APOBR: variants seen among roughly 807,000 people sequenced by gnomAD.
The protein encoded by APOBR is apoB-48R.
Under a neutral mutation model 88.5 loss-of-function variants are expected in APOBR, and 57 were observed. That is an observed-to-expected ratio of 0.64 (90% CI 0.52 to 0.80). The LOEUF is 0.80. APOBR is among the 30% of genes least tolerant of loss of function. The pLI, the probability that APOBR is intolerant of heterozygous loss-of-function variation, is 0.00. For missense variants in APOBR, 1,443 were observed against 1,401.6 expected (o/e 1.03, Z -0.47); for synonymous variants, 588 against 572.7 (o/e 1.03, Z -0.38).
Position 28,495,640 on chromosome 16 carries a change from G to A in APOBR, c.599G>A (p.Trp200Ter). The change falls in exon 2 of 4, where the codon TGG (tryptophan) becomes TAG (stop). Residue 200 changes from tryptophan to a stop codon, truncating the protein, a stop_gained. Coordinates refer to ENST00000564831, the MANE Select transcript of APOBR (RefSeq NM_018690.4). LOFTEE classifies it high-confidence loss of function. Reference protein sequence around the residue: ...PGMARGAESEWTWHGETEGKA... With the variant: ...PGMARGAESE Reference sequence around the variant, plus strand: ...ATGGCCAGAGGGGCGGAGTCAGAGTGGACCTGGCATGGGGAGACGGAGGGG... The same window carrying A: ...ATGGCCAGAGGGGCGGAGTCAGAGTAGACCTGGCATGGGGAGACGGAGGGG... 6.4e-7 allele frequency: 1 copy of A among 1,554,682 alleles called. No homozygotes were observed. Among genetic ancestry groups the A allele is most frequent in the Non-Finnish European group, 8.7e-7 (1 of 1,148,614 alleles).
rs780321080 is a variant in APOBR, at chr16:28,496,074, G to C, written c.1033G>C (p.Ala345Pro). 6.5e-6 allele frequency: 10 copies of C among 1,545,698 alleles called. No individual in the cohort carries two copies. Among genetic ancestry groups the C allele is most frequent in the Non-Finnish European group, 8.7e-6 (10 of 1,146,216 alleles). The change falls in exon 2 of 4, where the codon GCT becomes CCT. Residue 345 changes from alanine to proline, a missense_variant. Transcript: ENST00000564831. ...GGCCGGGATAGCCTCAGGCGGGGAG[G>C]CTGGGACAGCCTCAGGAGGGGAGGA... ...EEAGIASGGE[A>P]GTASGGEEAG...
In APOBR at chr16:28,494,769, G is replaced by T. The variant is rs999670395; in HGVS notation, c.57+31G>T. Reference sequence around the variant, plus strand: ...AAGGGCAGACAGCTGCCAGATACTTGCACCCCATTCCCTGGGGCCTCACTT... The same window carrying T: ...AAGGGCAGACAGCTGCCAGATACTTTCACCCCATTCCCTGGGGCCTCACTT... On this transcript the variant is annotated intron_variant, in intron 1 of 3. Coordinates refer to ENST00000564831, the MANE Select transcript of APOBR (RefSeq NM_018690.4). The T allele has an allele frequency of 1.9e-6, 3 of 1,591,612 alleles. No individual in the cohort carries two copies. The African/African-American group carries it at 4.0e-5, about 21-fold the overall frequency.
In APOBR at chr16:28,497,740, G is replaced by A. The variant is rs1431379800; in HGVS notation, c.2699G>A (p.Ser900Asn). The change falls in exon 2 of 4, where the codon AGT becomes AAT. Residue 900 changes from serine (S) to asparagine (N), a missense_variant. Ser to Asn is a conservative substitution (Grantham distance 46). Coordinates refer to ENST00000564831, the MANE Select transcript of APOBR (RefSeq NM_018690.4). ...GWQEREQRED[S>N]EGRCGDYHPE... ...CAGGAGAGAGAACAGAGGGAAGACA[G>A]TGAGGGGCGGTGTGGGGACTACCAC... The A allele has an allele frequency of 4.4e-6, 7 of 1,604,210 alleles. No homozygotes were observed. Among genetic ancestry groups the A allele is most frequent in the Non-Finnish European group, 6.0e-6 (7 of 1,175,544 alleles).
Position 28,497,351 on chromosome 16 carries a change from C to G in APOBR, c.2310C>G (p.Val770=). The G allele has an allele frequency of 6.2e-7, 1 of 1,608,676 alleles. No homozygotes were observed. The highest frequency in any genetic ancestry group is 2.2e-5 in the East Asian group (1 of 44,712). The change falls in exon 2 of 4, where the codon GTC becomes GTG. Residue 770 remains valine (V), a synonymous_variant. Transcript: ENST00000564831. ...CTGGGATTATGGGGGGTGATGTGGT[C>G]CCACACATCAGCGCTGCTGGCGCTG... The part of the protein sequence containing the change: ...VAAGIMGGDV[V]PHISAAGAGE...
rs1463817760 is a variant in APOBR at position 28,497,994 on chromosome 16, G to A, written c.2953G>A (p.Glu985Lys). The part of the protein sequence containing the change: ...ARGGAANSWS[E>K]APLPGSLLDV... ...AGGAGGTGCTGCCAACAGCTGGAGC[G>A]AGGTGAGGGCTCTTGGTGGGGTCTC... Residue 985 changes from glutamate (E) to lysine (K), a missense_variant and splice_region_variant, in exon 2 of 4, where the codon GAG becomes AAG. By Grantham distance (56) the Glu-to-Lys change is moderately conservative. Transcript: ENST00000564831. 6.9e-6 allele frequency: 11 copies of A among 1,591,852 alleles called. No homozygotes were observed. Among genetic ancestry groups the A allele is most frequent in the African/African-American group, 1.3e-5 (1 of 74,238 alleles).
At position 28,496,047 on chromosome 16, in the gene APOBR, G is replaced by A. The variant is rs1390470858; in HGVS notation, c.1006G>A (p.Glu336Lys). 1.9e-6 allele frequency: 3 copies of A among 1,576,866 alleles called. No homozygotes were observed. Among genetic ancestry groups the A allele is most frequent in the South Asian group, 1.2e-5 (1 of 85,066 alleles). ...GGCCGGGACAGCCTCGGGAGGGGAG[G>A]AGGCCGGGATAGCCTCAGGCGGGGA... Reference protein sequence around the residue: ...EEAGTASGGEEAGIASGGEAG... With the variant: ...EEAGTASGGEKAGIASGGEAG... Residue 336 changes from glutamate (E) to lysine (K), a missense_variant, in exon 2 of 4, where the codon GAG (glutamate) becomes AAG (lysine). Transcript: ENST00000564831.
rs368143039 is a variant in APOBR, at chr16:28,496,176, G to A, written c.1135G>A (p.Glu379Lys). The A allele has an allele frequency of 4.5e-6, 7 of 1,557,836 alleles. No homozygotes were observed. The African/African-American group carries it at 6.8e-5, about 15-fold the overall frequency. The stretch of plus-strand genomic sequence containing the variant: ...CGAGGCCTGGACAACCTCAGGCAAA[G>A]AGGAGGCTGACCTGCTGGGAGTCAG... ...GDEAWTTSGK[E>K]EADLLGVRQT... The change falls in exon 2 of 4, where the codon GAG becomes AAG. Residue 379 changes from glutamate to lysine, a missense_variant. Glu to Lys is a moderately conservative substitution (Grantham distance 56, BLOSUM62 1). Coordinates refer to ENST00000564831, the MANE Select transcript of APOBR (RefSeq NM_018690.4).
chr16:28,497,504 C>T lies in APOBR; in HGVS notation c.2463C>T (p.Gly821=). ...LEGSAEEEVT[G]RGSQVEAFES... ...GCTCAGCAGAGGAAGAGGTGACTGG[C>T]AGAGGCAGCCAAGTAGAGGCTTTTG... The change falls in exon 2 of 4, where the codon GGC becomes GGT. Residue 821 remains glycine, a synonymous_variant. Coordinates refer to ENST00000564831, the MANE Select transcript of APOBR (RefSeq NM_018690.4). 1 of 1,612,780 alleles carries T rather than the reference C, an allele frequency of 6.2e-7. No homozygotes were observed. The highest frequency in any genetic ancestry group is 8.5e-7 in the Non-Finnish European group (1 of 1,179,360).
Position 28,496,920 on chromosome 16 carries a change from C to T in APOBR, c.1879C>T (p.Arg627Cys), listed in dbSNP as rs778009637. ...GGCCTTCCCAGGAGCCTGGGAAAAC[C>T]GCACGAGAAAGGACATGGAGAGAGG... ...SEAFPGAWEN[R>C]TRKDMERGNT... Residue 627 changes from arginine (R) to cysteine (C), a missense_variant, in exon 2 of 4, where the codon CGC (arginine) becomes TGC (cysteine). Physicochemically the swap from Arg to Cys is radical, Grantham distance 180. Transcript: ENST00000564831. 12 of 1,559,096 alleles carry T rather than the reference C, an allele frequency of 7.7e-6. No individual in the cohort carries two copies. Among genetic ancestry groups the T allele is most frequent in the East Asian group, 2.4e-5 (1 of 42,164 alleles).
At position 28,496,007 on chromosome 16, in the gene APOBR, C is replaced by T. The variant is rs760745335; in HGVS notation, c.966C>T (p.Ala322=). The T allele has an allele frequency of 1.1e-5, 17 of 1,605,142 alleles. No individual in the cohort carries two copies. Among genetic ancestry groups the T allele is most frequent in the Non-Finnish European group, 1.3e-5 (15 of 1,176,146 alleles). The part of the protein sequence containing the change: ...TASGGEEAET[A]SGGEEAGTAS... ...CAGGCGGGGAGGAGGCTGAAACAGC[C>T]TCAGGCGGGGAGGAGGCCGGGACAG... Residue 322 remains alanine, a synonymous_variant, in exon 2 of 4, where the codon GCC becomes GCT. Coordinates refer to ENST00000564831, the MANE Select transcript of APOBR (RefSeq NM_018690.4).
chr16:28,495,905 T>C lies in APOBR; in HGVS notation c.864T>C (p.Gly288=), dbSNP rs577449229. The C allele has an allele frequency of 9.9e-6, 16 of 1,610,706 alleles. No individual in the cohort carries two copies. The East Asian group carries it at 3.6e-4, about 36-fold the overall frequency. The change falls in exon 2 of 4, where the codon GGT becomes GGC. Residue 288 remains glycine (G), a synonymous_variant. Transcript: ENST00000564831. ...LGREEARTTP[G]REEARAILDG... is the part of the protein sequence containing the mutation. ...GAGAGGAGGCCAGGACAACCCCAGG[T>C]AGGGAAGAGGCCAGGGCAATTTTAG...
Position 28,496,642 on chromosome 16 carries a change from G to A in APOBR, c.1601G>A (p.Gly534Glu), listed in dbSNP as rs1448718648. ...GCCAGGCCTGAGGAGGAGCTCACAG[G>A]GGAGGAGAGTGAGGCGGCCCAGACT... is the stretch of plus-strand genomic sequence containing the variant. Reference protein sequence around the residue: ...PEARPEEELTGEESEAAQTSC... With the variant: ...PEARPEEELTEEESEAAQTSC... Residue 534 changes from glycine to glutamate, a missense_variant, in exon 2 of 4, where the codon GGG (glycine) becomes GAG (glutamate). By Grantham distance (98) the Gly-to-Glu change is moderately conservative. Coordinates refer to ENST00000564831, the MANE Select transcript of APOBR (RefSeq NM_018690.4). The A allele has an allele frequency of 4.4e-6, 7 of 1,599,478 alleles. No homozygotes were observed. The highest frequency in any genetic ancestry group is 6.0e-6 in the Non-Finnish European group (7 of 1,171,890).
At position 28,497,185 on chromosome 16, in the gene APOBR, C is replaced by T. The variant is rs200288763; in HGVS notation, c.2144C>T (p.Pro715Leu). 310 of 1,600,158 alleles carry T rather than the reference C, an allele frequency of 1.9e-4. No homozygotes were observed. The African/African-American group carries it at 3.6e-3, about 19-fold the overall frequency. The change falls in exon 2 of 4, where the codon CCG becomes CTG. Residue 715 changes from proline (P) to leucine (L), a missense_variant. Pro to Leu is a moderately conservative substitution (Grantham distance 98). Transcript: ENST00000564831. The stretch of plus-strand genomic sequence containing the variant: ...ACAGGGGCAGACGCAGGGCCTTGCC[C>T]GTCACTGGGAGAGGCCTATGCCAGA... Reference protein sequence around the residue: ...GSTGADAGPCPSLGEAYARET... With the variant: ...GSTGADAGPCLSLGEAYARET...
intron 1 of APOBR, 158 bp downstream of exon 1, chr16:28,494,896 T>C (rs1171384206): frequency 1.1e-6 from 1 of 871,098 alleles, no homozygotes; most frequent in East Asian, 2.8e-5. Context: ...GCCTAATATT[T>C]TCTGAATTTC....
At position 28,497,665 on chromosome 16, in the gene APOBR, G is replaced by A; in HGVS notation, c.2624G>A (p.Gly875Glu). The A allele has an allele frequency of 6.2e-7, 1 of 1,602,502 alleles. No individual in the cohort carries two copies. Among genetic ancestry groups the A allele is most frequent in the South Asian group, 1.1e-5 (1 of 89,406 alleles). ...AEGMGAMVEA[G>E]GLLEKWTLLE... ...GGGATGGGAGCCATGGTGGAGGCTG[G>A]GGGGCTTCTAGAAAAGTGGACGCTG... The change falls in exon 2 of 4, where the codon GGG (glycine) becomes GAG (glutamate). Residue 875 changes from glycine to glutamate, a missense_variant. Transcript: ENST00000564831.
In APOBR at chr16:28,498,423, C is replaced by A. The variant is rs2046410707; in HGVS notation, c.3225-13C>A. ...TGGGAACCTGTTCTCACGGGCCTGA[C>A]TTCCGCCTCCAGGTTTGGCCTCGCG... On this transcript the variant is annotated splice_polypyrimidine_tract_variant and intron_variant, in intron 3 of 3. Transcript: ENST00000564831. 1 of 1,599,750 alleles carries A rather than the reference C, an allele frequency of 6.3e-7. No individual in the cohort carries two copies. Among genetic ancestry groups the A allele is most frequent in the East Asian group, 2.3e-5 (1 of 44,304 alleles).
Position 28,495,705 on chromosome 16 carries a change from C to T in APOBR, c.664C>T (p.Arg222Trp), listed in dbSNP as rs61748322. The T allele has an allele frequency of 1.1e-5, 17 of 1,530,014 alleles. No homozygotes were observed. The highest frequency in any genetic ancestry group is 2.4e-5 in the East Asian group (1 of 41,084). The allele number at this position is 1,530,014 out of a possible 1,614,324, so 94.8% of individuals were successfully genotyped here. Residue 222 changes from arginine (R) to tryptophan (W), a missense_variant, in exon 2 of 4, where the codon CGG (arginine) becomes TGG (tryptophan). Arg to Trp is a moderately radical substitution (Grantham distance 101). Coordinates refer to ENST00000564831, the MANE Select transcript of APOBR (RefSeq NM_018690.4). ...TGGGCCAAAGGCGGCAGGGGACAAC[C>T]GGGAGATGGAGCAGGGGGTCAGGGA... ...AVGPKAAGDN[R>W]EMEQGVREAD...
chr16:28,496,741 T>G lies in APOBR; in HGVS notation c.1700T>G (p.Met567Arg). The G allele has an allele frequency of 6.3e-7, 1 of 1,591,506 alleles. No homozygotes were observed. The highest frequency in any genetic ancestry group is 2.3e-5 in the East Asian group (1 of 44,006). The change falls in exon 2 of 4, where the codon ATG (methionine) becomes AGG (arginine). Residue 567 changes from methionine to arginine, a missense_variant. Transcript: ENST00000564831. ...ACCAAAGGCCAAGGACCTGAGCTGA[T>G]GGGGGGCGCCCAGACCCCAACTAAG... ...SVTKGQGPEL[M>R]GGAQTPTKQP...
chr16:28,495,980 C>T lies in APOBR; in HGVS notation c.939C>T (p.Ala313=). The change falls in exon 2 of 4, where the codon GCC becomes GCT. Residue 313 remains alanine, a synonymous_variant. Coordinates refer to ENST00000564831, the MANE Select transcript of APOBR (RefSeq NM_018690.4). ...TISGGEEAET[A]SGGEEAETAS... ...CAGGCGGGGAGGAGGCTGAGACAGC[C>T]TCAGGCGGGGAGGAGGCTGAAACAG... The T allele has an allele frequency of 6.2e-7, 1 of 1,604,620 alleles. No individual in the cohort carries two copies. Among genetic ancestry groups the T allele is most frequent in the Non-Finnish European group, 8.5e-7 (1 of 1,178,588 alleles).
Sources: allele counts gnomAD v4.1 joint callset, GRCh38; gene constraint gnomAD v4.1.1; transcripts MANE v1.5; gene names NCBI Gene and HGNC (gene_info 2026-07-23, HGNC 2026-07-21).